The following NRG3 variants were observed in gnomAD, a reference collection of about 807,000 sequenced individuals.
NRG3 encodes pro-neuregulin-3, membrane-bound isoform.
A neutral mutation model predicts 66.9 loss-of-function variants in NRG3; 31 were observed. The ratio of observed to expected loss-of-function variants is 0.46; its 90% CI spans 0.35 to 0.63. NRG3 has a LOEUF of 0.63. NRG3 is among the 20% of genes least tolerant of loss of function. The probability of loss-of-function intolerance (pLI) is 0.00; values close to 1 mark genes in which losing one functional copy is unlikely to be tolerated. For synonymous variants in NRG3, 393 were observed against 359.4 expected, an observed-to-expected ratio of 1.09 and a Z score of -1.06; for missense variants, 910 against 878.9, an observed-to-expected ratio of 1.04 and a Z score of -0.45.
intron 4 of NRG3, among the ~76,000 whole-genome samples, chr10:82,946,239 C>T (rs1021942920): frequency 4.0e-5 from 6 of 150,096 alleles, no homozygotes; most frequent in Non-Finnish European, 7.4e-5. Flanking sequence ...GTGGAGTGGT[C>T]CTTTAAAAGA....
Position 82,979,058 on chromosome 10 carries a change from A to AT in NRG3, c.1521_1522insT (p.Pro508SerfsTer49). 2.5e-6 allele frequency: 4 copies of AT among 1,614,138 alleles called. No homozygotes were observed. Among genetic ancestry groups the AT allele is most frequent in the Non-Finnish European group, 3.4e-6 (4 of 1,179,994 alleles). ...GAAGTAGGCTAGGTGGAATTGTGGG[A>AT]CCAGCATATCAGCAACTCGAAGAAT... On this transcript the variant is annotated frameshift_variant, in exon 8 of 9. Transcript: ENST00000372141. LOFTEE classifies it high-confidence loss of function.
intron 1 of NRG3, among the ~76,000 whole-genome samples, chr10:82,168,271 T>C (rs2072263252): frequency 6.6e-6 from 1 of 152,140 alleles, no homozygotes. Context: ...GCTTGAAACC[T>C]ATTCCAAGGC....
intron 1 of NRG3, among the ~76,000 whole-genome samples, chr10:82,193,825 A>C (rs2133381653): frequency 6.6e-6 from 1 of 152,304 alleles, no homozygotes; most frequent in South Asian, 2.1e-4. Context: ...AAATACCCTA[A>C]GGGGAGTAGT....
chr10:82,723,723 T>C (rs966720353), intron 2 of NRG3, among the ~76,000 whole-genome samples: 5 of 152,156 alleles, frequency 3.3e-5, no homozygotes, highest in Admixed American at 3.3e-4. Flanking sequence ...CTCACGCCTG[T>C]AATCCCAGCA....
chr10:82,731,282 G>A (rs538578985), intron 2 of NRG3, among the ~76,000 whole-genome samples: 1 of 150,182 alleles, frequency 6.7e-6, no homozygotes, highest in Admixed American at 6.7e-5. Flanking sequence ...CAGGAGAATT[G>A]CTTGAGCCTG....
chr10:81,993,169 A>G (rs889657992), intron 1 of NRG3, among the ~76,000 whole-genome samples: 3 of 152,170 alleles, frequency 2.0e-5, no homozygotes, highest in African/African-American at 4.8e-5. Context: ...GCATTTAACA[A>G]TAGAAAGTTT....
Position 81,980,037 on chromosome 10 carries a change from C to T in NRG3, c.823+103874C>T, listed in dbSNP as rs374010174. On this transcript the variant is annotated intron_variant, in intron 1 of 8. Coordinates refer to ENST00000372141, the MANE Select transcript of NRG3 (RefSeq NM_001010848.4). Reference sequence around the variant, plus strand: ...TCATCATTTTGCCCCACTTCCTCATCGCCTTTCATGGTGTTTCACAAATTT... The same window carrying T: ...TCATCATTTTGCCCCACTTCCTCATTGCCTTTCATGGTGTTTCACAAATTT... Among the ~76,000 whole-genome samples the T allele has an allele frequency of 1.2e-4, 19 of 152,296 alleles. No individual in the cohort carries two copies. In the East Asian group the frequency reaches 1.4e-3, roughly 11 times the overall value.
chr10:82,815,925 C>A (rs554794715), intron 3 of NRG3, among the ~76,000 whole-genome samples: 1 of 152,138 alleles, frequency 6.6e-6, no homozygotes, highest in Non-Finnish European at 1.5e-5. Context: ...CAGCTCCAGG[C>A]GCTAGCACAC....
At chr10:82,440,916 G>A (rs1256851905) in intron 2 of NRG3, among the ~76,000 whole-genome samples, 2 of 152,208 alleles carry the variant, frequency 1.3e-5, no homozygotes, top group Admixed American at 6.5e-5. Flanking sequence ...GGTCCTTGCT[G>A]ACTATAGTAA....
At chr10:81,977,431 C>T (rs1008549105) in intron 1 of NRG3, among the ~76,000 whole-genome samples, 6 of 152,048 alleles carry the variant, frequency 3.9e-5, no homozygotes, top group East Asian at 1.9e-4. Flanking sequence ...CAATGTATTT[C>T]GTATTTATTA....
intron 2 of NRG3, among the ~76,000 whole-genome samples, chr10:82,420,899 T>C (rs945228281): frequency 2.0e-5 from 3 of 152,152 alleles, no homozygotes; most frequent in Admixed American, 6.6e-5. Flanking sequence ...TGTAGCTAGA[T>C]TAAATACTTT....
chr10:82,392,308 C>T (rs1337245357), intron 2 of NRG3, among the ~76,000 whole-genome samples: 7 of 152,038 alleles, frequency 4.6e-5, no homozygotes, highest in Non-Finnish European at 1.0e-4. Context: ...GTATGCTGTC[C>T]TCTACAATTA....
chr10:82,189,224 T>A (rs2073991367), intron 1 of NRG3, among the ~76,000 whole-genome samples: 1 of 152,200 alleles, frequency 6.6e-6, no homozygotes, highest in Non-Finnish European at 1.5e-5. Flanking sequence ...CTTGTCTTTC[T>A]GTGCCTGAAT....
At chr10:82,632,728 A>C (rs2049928393) in intron 2 of NRG3, among the ~76,000 whole-genome samples, 1 of 152,214 alleles carries the variant, frequency 6.6e-6, no homozygotes, top group Admixed American at 6.5e-5. Flanking sequence ...ATAGTAATAT[A>C]AATCGTCTGT....
intron 5 of NRG3, among the ~76,000 whole-genome samples, chr10:82,958,168 G>C (rs1027182982): frequency 3.3e-5 from 5 of 152,222 alleles, no homozygotes; most frequent in South Asian, 2.1e-4. Context: ...GCAATTCTGA[G>C]TGGTGGTTGA....
chr10:82,103,016 C>T (rs1262529742), intron 1 of NRG3, among the ~76,000 whole-genome samples: 2 of 152,096 alleles, frequency 1.3e-5, no homozygotes, highest in Non-Finnish European at 2.9e-5. Context: ...GCATTTCTTT[C>T]AGAACATATT....
At chr10:82,355,624 G>C (rs1564832345) in intron 1 of NRG3, among the ~76,000 whole-genome samples, 1 of 152,080 alleles carries the variant, frequency 6.6e-6, no homozygotes, top group African/African-American at 2.4e-5. Flanking sequence ...CTAAGTAGGT[G>C]GTCTTAGAGT....
intron 5 of NRG3, among the ~76,000 whole-genome samples, chr10:82,957,081 T>C (rs1850120486): frequency 6.6e-6 from 1 of 152,028 alleles, no homozygotes; most frequent in African/African-American, 2.4e-5. Context: ...TGTAATCTTT[T>C]ACCTTTGGGT....
At chr10:82,544,954 C>A (rs2043794327) in intron 2 of NRG3, among the ~76,000 whole-genome samples, 1 of 152,182 alleles carries the variant, frequency 6.6e-6, no homozygotes, top group Admixed American at 6.6e-5. Context: ...CCTATATCTG[C>A]AGCAATCGAG....
Sources: allele counts gnomAD v4.1 joint callset (sites outside exome capture counted in the v4.1 genomes callset), GRCh38; gene constraint gnomAD v4.1.1; transcripts MANE v1.5; gene names NCBI Gene and HGNC (gene_info 2026-07-23, HGNC 2026-07-21).